LIMK1: variants seen among roughly 807,000 people sequenced by gnomAD.
The protein encoded by LIMK1 is LIM domain kinase 1, also known as LIM motif-containing protein kinase.
A neutral mutation model predicts 77.6 loss-of-function variants in LIMK1; 21 were observed. The ratio of observed to expected loss-of-function variants is 0.27; its 90% CI spans 0.19 to 0.39. The LOEUF (loss-of-function observed/expected upper bound fraction) is 0.39, where lower values mean the gene tolerates loss of function less well. LIMK1 is among the 10% of genes least tolerant of loss of function. LIMK1 has a pLI of 1.00. For synonymous variants in LIMK1, 358 were observed against 370.0 expected (o/e 0.97, Z 0.37); for missense variants, 696 against 901.6 (o/e 0.77, Z 2.92).
At chr7:74,113,905 C>G (rs1157115063) in intron 12 of LIMK1, among the ~76,000 whole-genome samples, 1 of 151,320 alleles carries the variant, frequency 6.6e-6, no homozygotes, top group Non-Finnish European at 1.5e-5. Context: ...ACAGTGAGCT[C>G]TGATTGTGTC....
At chr7:74,106,470 C>T (rs782183849) in intron 7 of LIMK1, among the ~76,000 whole-genome samples, 16 of 152,222 alleles carry the variant, frequency 1.1e-4, no homozygotes, top group Non-Finnish European at 1.5e-4. Flanking sequence ...TTTAAAAAGC[C>T]GGGGACGGGG....
At chr7:74,101,041 CA>C (rs11336389) in intron 5 of LIMK1, among the ~76,000 whole-genome samples, 18,818 of 152,196 alleles carry the variant, frequency 0.12, 2,375 homozygotes, top group African/African-American at 0.32. Context: ...CCGGCCCTAC[CA>C]AGTGCTAGCT....
In LIMK1 at chr7:74,106,124, C is replaced by G. The variant is rs114886936; in HGVS notation, c.762C>G (p.Leu254=). 4.3e-6 allele frequency: 7 copies of G among 1,613,980 alleles called. No homozygotes were observed. Among genetic ancestry groups the G allele is most frequent in the Non-Finnish European group, 5.9e-6 (7 of 1,180,038 alleles). ...CCAGCCGCCTGCTCCAGCTGACCCT[C>G]GAGCATGACCCTCACGATACACTGG... ...QETSRLLQLT[L]EHDPHDTLGH... The change falls in exon 7 of 16, where the codon CTC becomes CTG. Residue 254 remains leucine, a synonymous_variant. Coordinates refer to ENST00000336180, the MANE Select transcript of LIMK1 (RefSeq NM_002314.4).
At chr7:74,100,881 A>G (rs1206478226) in intron 5 of LIMK1, among the ~76,000 whole-genome samples, 3 of 151,106 alleles carry the variant, frequency 2.0e-5, no homozygotes, top group Non-Finnish European at 4.4e-5. Context: ...GACTACAGGC[A>G]CCTGCCACCA....
intron 4 of LIMK1, among the ~76,000 whole-genome samples, chr7:74,098,213 G>A (rs1799374298): frequency 2.0e-5 from 3 of 152,084 alleles, no homozygotes; most frequent in African/African-American, 2.4e-5. Flanking sequence ...ATCTTTGCGG[G>A]GCTGAGTCAT....
At chr7:74,090,504 C>T (rs1799216718) in intron 2 of LIMK1, among the ~76,000 whole-genome samples, 1 of 152,188 alleles carries the variant, frequency 6.6e-6, no homozygotes, top group African/African-American at 2.4e-5. Context: ...TGACAGTGAG[C>T]AGAGCAGCTC....
intron 2 of LIMK1, among the ~76,000 whole-genome samples, chr7:74,090,561 C>G (rs1051013030): frequency 1.3e-5 from 2 of 152,198 alleles, no homozygotes; most frequent in African/African-American, 4.8e-5. Flanking sequence ...CACAGCCAGG[C>G]TGGCTCTCAG....
chr7:74,116,350 G>A (rs1584132018), intron 13 of LIMK1, among the ~76,000 whole-genome samples: 1 of 152,146 alleles, frequency 6.6e-6, no homozygotes, highest in East Asian at 1.9e-4. Flanking sequence ...GGAGGCAGAG[G>A]TTGCAGTGAG....
intron 12 of LIMK1, 96 bp downstream of exon 12, chr7:74,112,094 A>T: frequency 8.2e-6 from 8 of 973,140 alleles, no homozygotes; most frequent in Non-Finnish European, 1.2e-5. Context: ...AGGCCCCTCC[A>T]TGTTGCCTCC....
chr7:74,104,735 G>A (rs1375461993), intron 5 of LIMK1, among the ~76,000 whole-genome samples: 5 of 152,312 alleles, frequency 3.3e-5, no homozygotes, highest in Non-Finnish European at 5.9e-5. Context: ...ATAGGCAACT[G>A]ATCGAGGGTC....
At chr7:74,111,865 T>C (rs1554698690) in intron 11 of LIMK1, 68 bp from the exon 12 acceptor site, 4 of 1,501,714 alleles carry the variant, frequency 2.7e-6, no homozygotes, top group African/African-American at 1.4e-5. Context: ...AGGGAGTTCC[T>C]GGGGAGCCAG....
chr7:74,085,232 C>G (rs1481696402), intron 1 of LIMK1, among the ~76,000 whole-genome samples: 1 of 152,220 alleles, frequency 6.6e-6, no homozygotes, highest in Non-Finnish European at 1.5e-5. Flanking sequence ...CCAGGGCATT[C>G]ATTGCCAAGG....
chr7:74,092,069 C>T (rs782787156), intron 2 of LIMK1, among the ~76,000 whole-genome samples: 15 of 147,650 alleles, frequency 1.0e-4, no homozygotes, highest in Admixed American at 1.4e-4. Context: ...CGGGTTCAAG[C>T]GATTCTCCTG....
At chr7:74,103,661 T>A (rs1554696930) in intron 5 of LIMK1, among the ~76,000 whole-genome samples, 1 of 152,202 alleles carries the variant, frequency 6.6e-6, no homozygotes, top group Non-Finnish European at 1.5e-5. Context: ...GATTTGAGCA[T>A]CTATTGATGA....
chr7:74,111,866 G>T, intron 11 of LIMK1, 67 bp from the exon 12 acceptor site: 1 of 1,500,706 alleles, frequency 6.7e-7, no homozygotes. Flanking sequence ...GGGAGTTCCT[G>T]GGGAGCCAGG....
chr7:74,120,675 T>G, intron 14 of LIMK1, 37 bp downstream of exon 14: 1 of 1,609,508 alleles, frequency 6.2e-7, no homozygotes, highest in Non-Finnish European at 8.5e-7. Flanking sequence ...TGTTGAGGCC[T>G]GGGCTCCTCC....
At chr7:74,097,014 G>C in intron 3 of LIMK1, 66 bp from the exon 4 acceptor site, 2 of 1,306,152 alleles carry the variant, frequency 1.5e-6, no homozygotes, top group Non-Finnish European at 1.1e-6. Context: ...AAGAGGCCTA[G>C]GGGAGGATCT....
In LIMK1 at chr7:74,121,446, G is replaced by A. The variant is rs1186581646; in HGVS notation, c.*145G>A. On this transcript the variant is annotated 3_prime_UTR_variant, in exon 16 of 16. Coordinates refer to ENST00000336180, the MANE Select transcript of LIMK1 (RefSeq NM_002314.4). ...GCCCTGACTTGCCTTCTCCCACCCCGTGGACCGCTTCCCCTGCCTTCTCTC... is the reference window on the plus strand; with the variant it reads ...GCCCTGACTTGCCTTCTCCCACCCCATGGACCGCTTCCCCTGCCTTCTCTC... The A allele has an allele frequency of 3.8e-5, 30 of 796,446 alleles. No individual in the cohort carries two copies. The highest frequency in any genetic ancestry group is 3.8e-4 in the Middle Eastern group (1 of 2,654). The allele number at this position is 796,446 out of a possible 1,614,324, so 49.3% of individuals were successfully genotyped here.
chr7:74,104,876 C>T (rs782377858), intron 5 of LIMK1, among the ~76,000 whole-genome samples: 3 of 152,120 alleles, frequency 2.0e-5, no homozygotes, highest in Non-Finnish European at 2.9e-5. Flanking sequence ...GCCACTAATC[C>T]GGGACCTTTT....
Sources: gnomAD v4.1 joint callset for allele counts (sites outside exome capture counted in the v4.1 genomes callset) on GRCh38, gnomAD v4.1.1 for gene constraint, MANE v1.5 for transcripts, NCBI Gene and HGNC (gene_info 2026-07-23, HGNC 2026-07-21) for gene names.